PLCE1: variants seen among roughly 807,000 people sequenced by gnomAD.
PLCE1 encodes the protein 1-phosphatidylinositol 4,5-bisphosphate phosphodiesterase epsilon-1.
A neutral mutation model predicts 242.8 loss-of-function variants in PLCE1; 119 were observed. That is an observed-to-expected ratio of 0.49 (90% CI 0.42 to 0.57). The LOEUF is 0.57. PLCE1 is among the 20% of genes least tolerant of loss of function. The probability of loss-of-function intolerance (pLI) is 0.00; values close to 1 mark genes in which losing one functional copy is unlikely to be tolerated. For missense variants in PLCE1, 2,441 were observed against 2,788.8 expected (o/e 0.88, Z 2.81); for synonymous variants, 945 against 1,017.4 (o/e 0.93, Z 1.35).
At chr10:94,143,855 A>G (rs1365314758) in intron 3 of PLCE1, among the ~76,000 whole-genome samples, 1 of 152,240 alleles carries the variant, frequency 6.6e-6, no homozygotes, top group Non-Finnish European at 1.5e-5. Flanking sequence ...TATTTTCTAT[A>G]ATGTTAATGT....
chr10:94,270,398 T>G, intron 17 of PLCE1, 88 bp from the exon 18 acceptor site: 9 of 870,026 alleles, frequency 1.0e-5, no homozygotes, highest in Non-Finnish European at 1.6e-5. Flanking sequence ...ATGTAACAAT[T>G]GAGATGCTTT....
intron 2 of PLCE1, among the ~76,000 whole-genome samples, chr10:94,036,521 A>G (rs2061667050): frequency 6.6e-6 from 1 of 152,118 alleles, no homozygotes; most frequent in African/African-American, 2.4e-5. Context: ...TGAATGGAAA[A>G]CATTAATGAA....
intron 4 of PLCE1, among the ~76,000 whole-genome samples, chr10:94,179,598 C>T (rs2048243202): frequency 6.8e-6 from 1 of 146,292 alleles, no homozygotes; most frequent in African/African-American, 2.5e-5. Context: ...CTCAGCCTCT[C>T]AGGCTCAAGC....
At chr10:94,221,118 C>T (rs947929052) in intron 4 of PLCE1, among the ~76,000 whole-genome samples, 12 of 152,162 alleles carry the variant, frequency 7.9e-5, no homozygotes, top group Non-Finnish European at 1.5e-4. Flanking sequence ...TCTCAAACTC[C>T]AGCGCATATA....
chr10:94,171,244 C>A lies in PLCE1; in HGVS notation c.1557C>A (p.Ser519Arg). ...TCCCTTCAAGTTCAGCTGGGATCAG[C>A]AAGGAGCTGATCGATCTGCAGCCTC... ...NALPSSSAGI[S>R]KELIDLQPLI... is the part of the protein sequence containing the mutation. The change falls in exon 4 of 33, where the codon AGC becomes AGA. Residue 519 changes from serine (S) to arginine (R), a missense_variant. By Grantham distance (110) the Ser-to-Arg change is moderately radical (BLOSUM62 -1). Coordinates refer to ENST00000371380, the MANE Select transcript of PLCE1 (RefSeq NM_016341.4). The A allele has an allele frequency of 6.2e-7, 1 of 1,614,180 alleles. No individual in the cohort carries two copies. Among genetic ancestry groups the A allele is most frequent in the South Asian group, 1.1e-5 (1 of 91,082 alleles).
At chr10:94,262,159 C>G (rs146735118) in intron 13 of PLCE1, among the ~76,000 whole-genome samples, 5 of 152,130 alleles carry the variant, frequency 3.3e-5, no homozygotes, top group Admixed American at 1.3e-4. Flanking sequence ...CACCACCATG[C>G]CTGGCTAATT....
chr10:94,312,645 G>A (rs2133727142), intron 27 of PLCE1, among the ~76,000 whole-genome samples: 1 of 152,238 alleles, frequency 6.6e-6, no homozygotes, highest in African/African-American at 2.4e-5. Flanking sequence ...TTCCCCTCTA[G>A]CTATCTCATT....
chr10:94,167,451 T>C (rs2047841821), intron 3 of PLCE1, among the ~76,000 whole-genome samples: 2 of 152,306 alleles, frequency 1.3e-5, no homozygotes, highest in South Asian at 4.2e-4. Flanking sequence ...TTTATTCTTG[T>C]TCACTAAATT....
chr10:94,148,915 A>G (rs75265799), intron 3 of PLCE1, among the ~76,000 whole-genome samples: 1,850 of 152,262 alleles, frequency 0.012, 40 homozygotes, highest in African/African-American at 0.041. Context: ...TGGAGAGATT[A>G]AACTAGTTGT....
intron 2 of PLCE1, among the ~76,000 whole-genome samples, chr10:94,101,313 A>G (rs758279434): frequency 7.2e-5 from 11 of 152,208 alleles, no homozygotes; most frequent in Non-Finnish European, 7.3e-5. Context: ...GCTCTCTGAA[A>G]ATATTTTTAA....
intron 2 of PLCE1, among the ~76,000 whole-genome samples, chr10:94,079,083 T>G (rs545442908): frequency 1.3e-5 from 2 of 152,302 alleles, no homozygotes; most frequent in African/African-American, 4.8e-5. Context: ...TGTAATTAAA[T>G]TAATTAAATT....
At chr10:94,230,497 G>A (rs1184588933) in intron 5 of PLCE1, among the ~76,000 whole-genome samples, 1 of 151,816 alleles carries the variant, frequency 6.6e-6, no homozygotes, top group African/African-American at 2.4e-5. Context: ...TAATTTTTTT[G>A]TATTTTTAGT....
At chr10:94,279,633 GA>G (rs1485670540) in intron 19 of PLCE1, 148 bp from the exon 20 acceptor site, 2 of 778,032 alleles carry the variant, frequency 2.6e-6, no homozygotes, top group Non-Finnish European at 4.4e-6. Context: ...CATTTCGAGG[GA>G]ATCTAGATTT....
At chr10:94,252,186 G>A (rs925785188) in intron 8 of PLCE1, 130 bp from the exon 9 acceptor site, 8 of 762,700 alleles carry the variant, frequency 1.0e-5, no homozygotes, top group Admixed American at 8.5e-5. Flanking sequence ...TCACTTGGGT[G>A]GCCAGATCAT....
rs780669857 is a variant in PLCE1, at chr10:94,268,911, C to T, written c.4282-18C>T. The stretch of plus-strand genomic sequence containing the variant: ...TCCAGGTGCTCACCTGGGGTGGATT[C>T]GCTCATTGATCACACAGGTCCTTTT... On this transcript the variant is annotated intron_variant, in intron 16 of 32. Transcript: ENST00000371380. The T allele has an allele frequency of 4.7e-5, 70 of 1,485,560 alleles. No individual in the cohort carries two copies. The highest frequency in any genetic ancestry group is 1.6e-4 in the South Asian group (14 of 88,438). The allele number at this position is 1,485,560 out of a possible 1,614,324, so 92.0% of individuals were successfully genotyped here.
chr10:94,171,091 A>G, intron 3 of PLCE1, 89 bp from the exon 4 acceptor site: 1 of 1,105,124 alleles, frequency 9.0e-7, no homozygotes, highest in South Asian at 1.2e-5. Flanking sequence ...GTTAAAGAAC[A>G]TACAAGATTT....
chr10:94,199,629 CA>C (rs2048932032), intron 4 of PLCE1, among the ~76,000 whole-genome samples: 2 of 152,144 alleles, frequency 1.3e-5, no homozygotes, highest in South Asian at 4.1e-4. Flanking sequence ...TCTTAGACGG[CA>C]AAAAGGTTTG....
chr10:94,300,339 A>T (rs1358289420), intron 24 of PLCE1, among the ~76,000 whole-genome samples: 1 of 152,180 alleles, frequency 6.6e-6, no homozygotes, highest in Non-Finnish European at 1.5e-5. Flanking sequence ...CTGACCCTTA[A>T]AGGCTTTGCC....
chr10:94,288,971 C>T (rs369984220), intron 22 of PLCE1, among the ~76,000 whole-genome samples: 19 of 152,022 alleles, frequency 1.2e-4, no homozygotes, highest in African/African-American at 3.6e-4. Context: ...GAGTTGCCTC[C>T]CCCACAGAGA....
Sources: allele counts gnomAD v4.1 joint callset (sites outside exome capture counted in the v4.1 genomes callset), GRCh38; gene constraint gnomAD v4.1.1; transcripts MANE v1.5; gene names NCBI Gene and HGNC (gene_info 2026-07-23, HGNC 2026-07-21).